Variants in IL6R observed in about 807,000 individuals in gnomAD.
IL6R encodes interleukin-6 receptor subunit alpha.
In IL6R, 38 loss-of-function variants were observed where a neutral mutation model predicts 48.3. The observed-to-expected ratio is 0.79, with a 90% CI of 0.61 to 1.03. The LOEUF is 1.03. Ranked by LOEUF, IL6R falls within the 50% of genes least tolerant of loss-of-function variation. The probability of loss-of-function intolerance (pLI) is 0.00; values close to 1 mark genes in which losing one functional copy is unlikely to be tolerated. For missense variants in IL6R, 534 were observed against 618.3 expected, an observed-to-expected ratio of 0.86 and a Z score of 1.45; for synonymous variants, 264 against 256.2, an observed-to-expected ratio of 1.03 and a Z score of -0.29.
At chr1:154,440,945 A>C (rs1689898414) in intron 6 of IL6R, among the ~76,000 whole-genome samples, 1 of 152,240 alleles carries the variant, frequency 6.6e-6, no homozygotes, top group Middle Eastern at 3.4e-3. Context: ...GAGCCACCAC[A>C]CCCAGGCTGA....
intron 1 of IL6R, among the ~76,000 whole-genome samples, chr1:154,424,801 CA>C (rs1688873772): frequency 6.6e-6 from 1 of 152,104 alleles, no homozygotes. Context: ...TGTAGCAGGA[CA>C]AGCCACAGAC....
At chr1:154,409,681 C>G (rs1687919546) in intron 1 of IL6R, among the ~76,000 whole-genome samples, 2 of 152,164 alleles carry the variant, frequency 1.3e-5, no homozygotes, top group South Asian at 2.1e-4. Context: ...ACCTCCTACT[C>G]TGTTCCAGGC....
intron 1 of IL6R, among the ~76,000 whole-genome samples, chr1:154,423,375 C>T (rs1688798896): frequency 6.7e-6 from 1 of 148,944 alleles, no homozygotes; most frequent in Non-Finnish European, 1.5e-5. Flanking sequence ...CCTCTAACAC[C>T]ATCATTTGGA....
chr1:154,409,437 C>T (rs976462658), intron 1 of IL6R, among the ~76,000 whole-genome samples: 1 of 152,090 alleles, frequency 6.6e-6, no homozygotes, highest in Non-Finnish European at 1.5e-5. Context: ...ACATCTCTGC[C>T]CTGCACTGCC....
intron 1 of IL6R, among the ~76,000 whole-genome samples, chr1:154,411,688 A>G (rs1361165578): frequency 6.6e-6 from 1 of 152,174 alleles, no homozygotes; most frequent in Non-Finnish European, 1.5e-5. Flanking sequence ...TGGGCAAGTC[A>G]CTACAAGCTT....
At position 154,436,043 on chromosome 1, in the gene IL6R, C is replaced by T. The variant is rs764871910; in HGVS notation, c.882C>T (p.Ala294=). 1 of 1,613,220 alleles carries T rather than the reference C, an allele frequency of 6.2e-7. No individual in the cohort carries two copies. Among genetic ancestry groups the T allele is most frequent in the Non-Finnish European group, 8.5e-7 (1 of 1,179,564 alleles). ...SGLRHVVQLR[A]QEEFGQGEWS... is the part of the protein sequence containing the mutation. Reference sequence around the variant, plus strand: ...TGAGGCACGTGGTGCAGCTTCGTGCCCAGGAGGAGTTCGGGCAAGGCGAGT... The same window carrying T: ...TGAGGCACGTGGTGCAGCTTCGTGCTCAGGAGGAGTTCGGGCAAGGCGAGT... Residue 294 remains alanine, a synonymous_variant, in exon 6 of 10, where the codon GCC becomes GCT. Coordinates refer to ENST00000368485, the MANE Select transcript of IL6R (RefSeq NM_000565.4).
chr1:154,415,450 G>A (rs536144063), intron 1 of IL6R, among the ~76,000 whole-genome samples: 150 of 152,164 alleles, frequency 9.9e-4, no homozygotes, highest in African/African-American at 3.2e-3. Flanking sequence ...GTATACTTGG[G>A]TTTATACGCC....
intron 5 of IL6R, among the ~76,000 whole-genome samples, chr1:154,435,508 CAAAAAA>C (rs71586014): frequency 7.4e-6 from 1 of 135,410 alleles, no homozygotes; most frequent in Non-Finnish European, 1.6e-5. Context: ...GACTCCATGT[CAAAAAA>C]AAAAAAAAAT....
At chr1:154,430,669 G>A (rs1689245624) in intron 3 of IL6R, 63 bp downstream of exon 3, 4 of 1,606,750 alleles carry the variant, frequency 2.5e-6, no homozygotes, top group South Asian at 1.1e-5. Context: ...CCCCCAGAGA[G>A]GGGCTGGTTC....
intron 1 of IL6R, among the ~76,000 whole-genome samples, chr1:154,407,087 T>G (rs1373272082): frequency 6.6e-6 from 1 of 152,064 alleles, no homozygotes; most frequent in Non-Finnish European, 1.5e-5. Flanking sequence ...CAGGCAGAGC[T>G]GGGGGCATTG....
At chr1:154,437,430 TGA>T in intron 6 of IL6R, 2 of 385,874 alleles carry the variant, frequency 5.2e-6, no homozygotes, top group Admixed American at 3.0e-5. Flanking sequence ...TTTTTTTTTT[TGA>T]AGACAGGCTT....
At chr1:154,413,565 A>G (rs565203213) in intron 1 of IL6R, among the ~76,000 whole-genome samples, 1 of 152,186 alleles carries the variant, frequency 6.6e-6, no homozygotes, top group African/African-American at 2.4e-5. Context: ...TTAACCTGGT[A>G]TCTACACAGA....
chr1:154,447,355 C>T (rs1690282869), intron 6 of IL6R, among the ~76,000 whole-genome samples: 1 of 148,000 alleles, frequency 6.8e-6, no homozygotes, highest in Non-Finnish European at 1.5e-5. Flanking sequence ...AGAAGAATCG[C>T]TTGAACCCAG....
intron 3 of IL6R, among the ~76,000 whole-genome samples, 186 bp downstream of exon 3, chr1:154,430,792 T>G (rs1303835717): frequency 1.3e-5 from 2 of 152,220 alleles, no homozygotes; most frequent in East Asian, 3.9e-4. Flanking sequence ...GGCACTGTGC[T>G]TGTGCTTGGA....
At chr1:154,449,527 C>CAAAAAA (rs1274929274) in intron 7 of IL6R, among the ~76,000 whole-genome samples, 1 of 150,928 alleles carries the variant, frequency 6.6e-6, no homozygotes, top group South Asian at 2.1e-4. Context: ...AAAAAACAAA[C>CAAAAAA]AAAAAAAAAG....
intron 6 of IL6R, among the ~76,000 whole-genome samples, chr1:154,436,336 G>A (rs947412882): frequency 5.3e-5 from 8 of 152,144 alleles, no homozygotes; most frequent in Middle Eastern, 3.2e-3. Context: ...AAATTAGCTG[G>A]ACATGGTGGC....
chr1:154,418,540 G>A (rs1053783995), intron 1 of IL6R: 1 of 403,526 alleles, frequency 2.5e-6, no homozygotes, highest in African/African-American at 2.2e-5. Context: ...CTGAGAAGAG[G>A]GGGTTGCGGA....
In IL6R at chr1:154,455,783, G is replaced by A. The variant is rs559100124; in HGVS notation, c.1160+1202G>A. Among the ~76,000 whole-genome samples the A allele has an allele frequency of 7.9e-5, 12 of 151,192 alleles. No individual in the cohort carries two copies. The South Asian group carries it at 1.3e-3, about 16-fold the overall frequency. On this transcript the variant is annotated intron_variant, in intron 9 of 9. Coordinates refer to ENST00000368485, the MANE Select transcript of IL6R (RefSeq NM_000565.4). ...GTTTTAAGAAGAACCTGGGCCAGGC[G>A]CTGTGGCTCACGCTTGTAATTCCAT...
chr1:154,467,679 T>C lies in IL6R; in HGVS notation c.*2299T>C, dbSNP rs1297704221. ...ACTTTGGGAGGCCAAGGTGGGAGGA[T>C]TGCTTGAGCTCAGGAGTTTGAGACC... On this transcript the variant is annotated 3_prime_UTR_variant, in exon 10 of 10. Transcript: ENST00000368485. 2 of 152,202 alleles carry C rather than the reference T, an allele frequency of 1.3e-5. No individual in the cohort carries two copies. The highest frequency in any genetic ancestry group is 2.9e-5 in the Non-Finnish European group (2 of 68,076). The allele number at this position is 152,202 out of a possible 1,614,324, so 9.4% of individuals were successfully genotyped here. A position where few individuals can be genotyped will look rare whatever the true frequency, so the allele number is the denominator to read the frequency against.
Sources: allele counts gnomAD v4.1 joint callset (sites outside exome capture counted in the v4.1 genomes callset), GRCh38; gene constraint gnomAD v4.1.1; transcripts MANE v1.5; gene names NCBI Gene and HGNC (gene_info 2026-07-23, HGNC 2026-07-21).